The following TTC21A variants were observed in gnomAD, a reference collection of about 807,000 sequenced individuals.
TTC21A encodes tetratricopeptide repeat protein 21A.
In TTC21A, 128 loss-of-function variants were observed where a neutral mutation model predicts 156.4. The ratio of observed to expected loss-of-function variants is 0.82; its 90% CI spans 0.71 to 0.95. The LOEUF is 0.95. TTC21A is among the 40% of genes least tolerant of loss of function. TTC21A has a pLI of 0.00. For synonymous variants in TTC21A, 587 were observed against 617.1 expected, an observed-to-expected ratio of 0.95 and a Z score of 0.72; for missense variants, 1,435 against 1,602.3, an observed-to-expected ratio of 0.90 and a Z score of 1.78.
chr3:39,131,982 C>T (rs2038763477), intron 19 of TTC21A, among the ~76,000 whole-genome samples: 1 of 152,064 alleles, frequency 6.6e-6, no homozygotes, highest in Admixed American at 6.6e-5. Flanking sequence ...TGCTTATCAG[C>T]AGGGATATGA....
intron 9 of TTC21A, among the ~76,000 whole-genome samples, chr3:39,124,679 TTGTAGAA>T (rs547530686): frequency 1.6e-3 from 110 of 70,760 alleles, no homozygotes; most frequent in Middle Eastern, 8.3e-3. Context: ...AAAAAGCAGA[TTGTAGAA>T]TGGTGTATGT....
At position 39,117,449 on chromosome 3, in the gene TTC21A, T is replaced by C. The variant is rs185065184; in HGVS notation, c.717-620T>C. Among the ~76,000 whole-genome samples, 400 of 152,350 alleles carry C rather than the reference T, an allele frequency of 2.6e-3. 3 individuals are homozygous for C. Among genetic ancestry groups the C allele is most frequent in the African/African-American group, 7.9e-3 (327 of 41,586 alleles). ...AAAACCTCATAGTATGGTCAGAAGC[T>C]ATAGCTTCACAATAGTACAAAATTG... On this transcript the variant is annotated intron_variant, in intron 6 of 28. Coordinates refer to ENST00000683103, the MANE Select transcript of TTC21A (RefSeq NM_001366900.1).
Position 39,125,115 on chromosome 3 carries a change from G to A in TTC21A, c.1146G>A (p.Arg382=). 1.2e-6 allele frequency: 2 copies of A among 1,614,044 alleles called. No individual in the cohort carries two copies. Among genetic ancestry groups the A allele is most frequent in the Non-Finnish European group, 8.5e-7 (1 of 1,180,012 alleles). ...LEGHLEEAEY[R]LEFLKEVQKS... ...GCCACCTGGAGGAAGCTGAGTACCGGCTGGAATTCCTGAAGGAGGTGCAGA... is the reference window on the plus strand; with the variant it reads ...GCCACCTGGAGGAAGCTGAGTACCGACTGGAATTCCTGAAGGAGGTGCAGA... Residue 382 remains arginine, a synonymous_variant, in exon 10 of 29, where the codon CGG becomes CGA. Transcript: ENST00000683103.
Position 39,126,356 on chromosome 3 carries a change from C to G in TTC21A, c.1488C>G (p.Pro496=). ...VVKAAPALID[P]LYLMAQVRYY... ...AAGCAGCACCAGCTCTGATCGACCC[C>G]CTGTATTTGATGGCTCAGGTCAGGT... is the stretch of plus-strand genomic sequence containing the variant. Residue 496 remains proline, a synonymous_variant, in exon 12 of 29, where the codon CCC becomes CCG. Transcript: ENST00000683103. 6.2e-7 allele frequency: 1 copy of G among 1,614,006 alleles called. No homozygotes were observed. Among genetic ancestry groups the G allele is most frequent in the Non-Finnish European group, 8.5e-7 (1 of 1,179,998 alleles).
intron 5 of TTC21A, among the ~76,000 whole-genome samples, chr3:39,113,913 C>T (rs1191638856): frequency 2.6e-5 from 4 of 152,178 alleles, no homozygotes; most frequent in Admixed American, 2.6e-4. Context: ...TTTTTAATGA[C>T]GAGTCTCTTA....
chr3:39,134,874 TG>T lies in TTC21A; in HGVS notation c.2863-218del. The T allele has an allele frequency of 1.7e-6, 1 of 597,966 alleles. No individual in the cohort carries two copies. Among genetic ancestry groups the T allele is most frequent in the South Asian group, 2.0e-5 (1 of 49,300 alleles). The allele number at this position is 597,966 out of a possible 1,614,324, so 37.0% of individuals were successfully genotyped here. A position where few individuals can be genotyped will look rare whatever the true frequency, so the allele number is the denominator to read the frequency against. On this transcript the variant is annotated intron_variant, in intron 21 of 28. Coordinates refer to ENST00000683103, the MANE Select transcript of TTC21A (RefSeq NM_001366900.1). The surrounding 1 kb of genome is among the most constrained non-coding windows in gnomAD (Gnocchi z 4.6). ...TGTACATCCTCAACCCAACTCTTCT[TG>T]CCCCTCACCTTGGGAAGTCCTCACC...
chr3:39,109,170 A>C lies in TTC21A; in HGVS notation c.113A>C (p.Asp38Ala). The C allele has an allele frequency of 6.2e-7, 1 of 1,614,094 alleles. No homozygotes were observed. The highest frequency in any genetic ancestry group is 1.1e-5 in the South Asian group (1 of 91,084). Residue 38 changes from aspartate to alanine, a missense_variant, in exon 2 of 29, where the codon GAC becomes GCC. By Grantham distance (126) the Asp-to-Ala change is moderately radical (BLOSUM62 -2). Transcript: ENST00000683103. ...AAVGLEKFSNDPVLKFFKAYG... is the reference protein window; with the variant it reads ...AAVGLEKFSNAPVLKFFKAYG... ...GTGGGCCTGGAAAAATTCAGCAATG[A>C]CCCTGTGTTGAAGTTCTTTAAAGCC...
chr3:39,114,186 C>T (rs577149348), intron 5 of TTC21A, among the ~76,000 whole-genome samples: 119 of 152,294 alleles, frequency 7.8e-4, no homozygotes, highest in Non-Finnish European at 1.3e-3. Context: ...TGGGCCTTGG[C>T]GAGCAATTTC....
Position 39,121,509 on chromosome 3 carries a change from G to T in TTC21A, c.1093+320G>T, listed in dbSNP as rs567991132. On this transcript the variant is annotated intron_variant, in intron 9 of 28. Transcript: ENST00000683103. ...CTCTTCTCAGGCTGCCCAGGCCGGGGTTGGAGGCAGTTCTACTCACCACCA... is the reference window on the plus strand; with the variant it reads ...CTCTTCTCAGGCTGCCCAGGCCGGGTTTGGAGGCAGTTCTACTCACCACCA... 3.9e-5 allele frequency among the ~76,000 whole-genome samples: 6 copies of T among 152,280 alleles called. No individual in the cohort carries two copies. In the East Asian group the frequency reaches 9.6e-4, roughly 24 times the overall value.
At chr3:39,108,031 G>A in intron 1 of TTC21A, 167 bp downstream of exon 1, 2 of 751,066 alleles carry the variant, frequency 2.7e-6, no homozygotes, top group Non-Finnish European at 4.3e-6. Context: ...TTCTCCGGTG[G>A]CTTCTGCGCA....
chr3:39,112,557 G>C lies in TTC21A; in HGVS notation c.535G>C (p.Asp179His), dbSNP rs2036924278. ...YLEQGIQDTK[D>H]VLGLMGKAMY... The stretch of plus-strand genomic sequence containing the variant: ...GGAACAAGGAATTCAGGACACCAAA[G>C]ATGTGCTGGGGCTGATGGGAAAGGT... The change falls in exon 5 of 29, where the codon GAT becomes CAT. Residue 179 changes from aspartate to histidine, a missense_variant. Coordinates refer to ENST00000683103, the MANE Select transcript of TTC21A (RefSeq NM_001366900.1). 1 of 1,614,164 alleles carries C rather than the reference G, an allele frequency of 6.2e-7. No individual in the cohort carries two copies. Among genetic ancestry groups the C allele is most frequent in the Non-Finnish European group, 8.5e-7 (1 of 1,180,040 alleles).
At chr3:39,128,016 T>C (rs897385856) in intron 12 of TTC21A, among the ~76,000 whole-genome samples, 1 of 152,218 alleles carries the variant, frequency 6.6e-6, no homozygotes, top group Non-Finnish European at 1.5e-5. Flanking sequence ...GGTGTGGGAA[T>C]TGAGACTTAA....
chr3:39,127,800 C>T (rs927888514), intron 12 of TTC21A, among the ~76,000 whole-genome samples: 5 of 152,326 alleles, frequency 3.3e-5, no homozygotes, highest in East Asian at 3.9e-4. Flanking sequence ...ATGCCAACTT[C>T]GCCCCTTCCA....
Position 39,138,779 on chromosome 3 carries a change from G to C in TTC21A, c.3933G>C (p.Leu1311=), listed in dbSNP as rs756787380. The C allele has an allele frequency of 1.2e-5, 19 of 1,613,904 alleles. No individual in the cohort carries two copies. Among genetic ancestry groups the C allele is most frequent in the Non-Finnish European group, 1.5e-5 (18 of 1,179,916 alleles). The change falls in exon 29 of 29, where the codon CTG becomes CTC. Residue 1311 remains leucine (L), a synonymous_variant. Coordinates refer to ENST00000683103, the MANE Select transcript of TTC21A (RefSeq NM_001366900.1). ...TTTTGGAAAAGGCCCGAAGGTCCCT[G>C]AGGCCCTAGCTGGGGTCAAGGGGCC... ...EEILEKARRS[L]RP
chr3:39,131,116 A>T (rs2038698676), intron 19 of TTC21A, 21 bp downstream of exon 19: 1 of 1,588,362 alleles, frequency 6.3e-7, no homozygotes, highest in African/African-American at 1.3e-5. Flanking sequence ...GGTGGACTCA[A>T]GCTCTTTATC....
At chr3:39,114,475 G>A (rs149803210) in intron 5 of TTC21A, 110 bp from the exon 6 acceptor site, 12,096 of 1,080,160 alleles carry the variant, frequency 0.011, 90 homozygotes, top group Non-Finnish European at 0.013. Flanking sequence ...CGGTGCCCAT[G>A]TGTCAGGTTC....
At position 39,125,386 on chromosome 3, in the gene TTC21A, G is replaced by A. The variant is rs779417349; in HGVS notation, c.1246G>A (p.Glu416Lys). ...GTCCAGGAAGCACAAGGGGGAGGAA[G>A]AGACCACAGCGCTCCTGAAGGAGGC... Reference protein sequence around the residue: ...LMSRKHKGEEETTALLKEAVE... With the variant: ...LMSRKHKGEEKTTALLKEAVE... The change falls in exon 11 of 29, where the codon GAG (glutamate) becomes AAG (lysine). Residue 416 changes from glutamate (E) to lysine (K), a missense_variant. Physicochemically the swap from Glu to Lys is moderately conservative, Grantham distance 56. Coordinates refer to ENST00000683103, the MANE Select transcript of TTC21A (RefSeq NM_001366900.1). The A allele has an allele frequency of 6.2e-7, 1 of 1,614,204 alleles. No homozygotes were observed. The highest frequency in any genetic ancestry group is 1.1e-5 in the South Asian group (1 of 91,072).
Position 39,134,033 on chromosome 3 carries a change from CAG to C in TTC21A, c.2752-184_2752-183del, listed in dbSNP as rs1451429180. ...CCAACTTTCAGAGGTTAGTAAGACA[CAG>C]GGTATGACTGGAGAACTGCATGGGA... On this transcript the variant is annotated intron_variant, in intron 20 of 28. Coordinates refer to ENST00000683103, the MANE Select transcript of TTC21A (RefSeq NM_001366900.1). This position sits in a 1 kb window ranked among gnomAD's most constrained non-coding sequence, Gnocchi z 4.6. 6.6e-6 allele frequency among the ~76,000 whole-genome samples: 1 copy of C among 152,130 alleles called. No individual in the cohort carries two copies.
At chr3:39,109,055 G>A (rs1487388750) in intron 1 of TTC21A, 30 bp from the exon 2 acceptor site, 1 of 1,609,366 alleles carries the variant, frequency 6.2e-7, no homozygotes, top group Non-Finnish European at 8.5e-7. Context: ...AAGGGACTGG[G>A]CTATTGCAGT....
Sources: allele counts gnomAD v4.1 joint callset (sites outside exome capture counted in the v4.1 genomes callset), GRCh38; gene constraint gnomAD v4.1.1; non-coding constraint Gnocchi (gnomAD v3.1); transcripts MANE v1.5; gene names NCBI Gene and HGNC (gene_info 2026-07-23, HGNC 2026-07-21).